The following CNEP1R1 variants were observed in gnomAD, a reference collection of about 807,000 sequenced individuals.
The protein encoded by CNEP1R1 is CTD nuclear envelope phosphatase 1 regulatory subunit 1.
CNEP1R1 carries 10 observed loss-of-function variants against 22.7 expected under a neutral mutation model. The ratio of observed to expected loss-of-function variants is 0.44; its 90% confidence interval spans 0.27 to 0.75. The LOEUF (loss-of-function observed/expected upper bound fraction) is 0.75, where lower values mean the gene tolerates loss of function less well. CNEP1R1 is among the 30% of genes least tolerant of loss of function. The pLI is 0.17. For synonymous variants in CNEP1R1, 53 were observed against 50.1 expected, an observed-to-expected ratio of 1.06 and a Z score of -0.25; for missense variants, 73 against 151.5, an observed-to-expected ratio of 0.48 and a Z score of 2.72.
chr16:50,027,149 AT>A lies in CNEP1R1; in HGVS notation c.97+683del, dbSNP rs1338315670. Among the ~76,000 whole-genome samples, 56 of 152,222 alleles carry A rather than the reference AT, an allele frequency of 3.7e-4. 1 individual carries two copies. Among genetic ancestry groups the A allele is most frequent in the Non-Finnish European group, 1.5e-4 (10 of 68,008 alleles). On this transcript the variant is annotated intron_variant, in intron 2 of 5. Coordinates refer to ENST00000427478, the MANE Select transcript of CNEP1R1 (RefSeq NM_001281789.2). ...TAGGGCTCAGTGAGTCACGCATATAATCCCAGCACTTTGGGAGGCCGAGGCT... is the reference window on the plus strand; with the variant it reads ...TAGGGCTCAGTGAGTCACGCATATAACCCAGCACTTTGGGAGGCCGAGGCT...
intron 3 of CNEP1R1, among the ~76,000 whole-genome samples, chr16:50,030,943 T>C (rs2036226252): frequency 6.6e-6 from 1 of 152,224 alleles, no homozygotes; most frequent in South Asian, 2.1e-4. Flanking sequence ...CCTTGAAGCA[T>C]CCTTTGATGA....
intron 5 of CNEP1R1, chr16:50,034,430 C>T: frequency 2.4e-6 from 1 of 418,386 alleles, no homozygotes; most frequent in Non-Finnish European, 4.4e-6. Context: ...ACTGATGCAT[C>T]TTAGATTCAG....
intron 2 of CNEP1R1, among the ~76,000 whole-genome samples, chr16:50,028,421 A>G (rs1045705693): frequency 6.6e-5 from 10 of 152,180 alleles, no homozygotes; most frequent in Admixed American, 5.9e-4. Context: ...ATCTGGCAAG[A>G]TTTTTTTGTA....
intron 4 of CNEP1R1, among the ~76,000 whole-genome samples, chr16:50,033,894 T>C (rs1468712777): frequency 6.8e-6 from 1 of 148,010 alleles, no homozygotes; most frequent in Non-Finnish European, 1.5e-5. Flanking sequence ...GCTTTGTGTT[T>C]TTTTTTTGAG....
chr16:50,034,052 A>G lies in CNEP1R1; in HGVS notation c.282-50A>G, dbSNP rs200239743. 3.9e-3 allele frequency: 5,712 copies of G among 1,464,962 alleles called. 27 individuals carry two copies. Among genetic ancestry groups the G allele is most frequent in the Non-Finnish European group, 4.1e-3 (4,408 of 1,066,420 alleles). 90.7% of individuals were successfully genotyped at this position (1,464,962 alleles called of 1,614,324 possible). A position where few individuals can be genotyped will look rare whatever the true frequency, so the allele number is the denominator to read the frequency against. On this transcript the variant is annotated intron_variant, in intron 4 of 5. Coordinates refer to ENST00000427478, the MANE Select transcript of CNEP1R1 (RefSeq NM_001281789.2). ...AGGCTTGAGCCACCGCACCCGGCCT[A>G]AAAGCATACTCTTGAAATGAGAAAT...
chr16:50,025,715 G>T lies in CNEP1R1; in HGVS notation c.25+375G>T, dbSNP rs1372807334. ...GTAACTGCCAAGGTTAGGAAGTGCT[G>T]CTCGGTGTTTTAAAGTTTAAAGCAC... On this transcript the variant is annotated intron_variant, in intron 1 of 5. Transcript: ENST00000427478. 2.5e-6 allele frequency: 4 copies of T among 1,612,204 alleles called. No individual in the cohort carries two copies. In the African/African-American group the frequency reaches 5.3e-5, roughly 22 times the overall value.
chr16:50,027,096 A>G (rs189055467), intron 2 of CNEP1R1, among the ~76,000 whole-genome samples: 1 of 152,324 alleles, frequency 6.6e-6, no homozygotes, highest in East Asian at 1.9e-4. Context: ...CTATTGGAAT[A>G]AAATTTTAGT....
intron 5 of CNEP1R1, chr16:50,034,502 C>CA (rs1187509643): frequency 6.5e-6 from 2 of 308,096 alleles, no homozygotes; most frequent in Non-Finnish European, 1.2e-5. Context: ...GTTTTATAAA[C>CA]TACTGTTATT....
At chr16:50,026,271 T>C (rs2036182143) in intron 1 of CNEP1R1, 125 bp from the exon 2 acceptor site, 1 of 650,170 alleles carries the variant, frequency 1.5e-6, no homozygotes, top group African/African-American at 1.8e-5. Flanking sequence ...TACATGGAAG[T>C]TAGTGTGTAA....
At chr16:50,028,051 G>C (rs1316565637) in intron 2 of CNEP1R1, among the ~76,000 whole-genome samples, 1 of 152,138 alleles carries the variant, frequency 6.6e-6, no homozygotes, top group African/African-American at 2.4e-5. Context: ...TCTGCCTCCC[G>C]GGTTCAAGTG....
chr16:50,030,072 A>AT (rs1479866090), intron 3 of CNEP1R1, among the ~76,000 whole-genome samples: 1 of 151,882 alleles, frequency 6.6e-6, no homozygotes, highest in Admixed American at 6.6e-5. Flanking sequence ...TCATTTTTAC[A>AT]TTTTTTTTAT....
Position 50,035,474 on chromosome 16 carries a change from G to A in CNEP1R1, c.*16G>A. ...TGTTCAATGACAATCTTCACTCATT[G>A]TTATGGGACTTAAAATAGCCTTTCT... is the stretch of plus-strand genomic sequence containing the variant. On this transcript the variant is annotated 3_prime_UTR_variant, in exon 6 of 6. Transcript: ENST00000427478. 6.4e-7 allele frequency: 1 copy of A among 1,563,136 alleles called. No homozygotes were observed. Among genetic ancestry groups the A allele is most frequent in the Non-Finnish European group, 8.7e-7 (1 of 1,145,564 alleles).
chr16:50,035,619 G>A lies in CNEP1R1; in HGVS notation c.*161G>A, dbSNP rs2036269406. 1 of 583,200 alleles carries A rather than the reference G, an allele frequency of 1.7e-6. No homozygotes were observed. The highest frequency in any genetic ancestry group is 1.9e-5 in the African/African-American group (1 of 52,860). 36.1% of individuals were successfully genotyped at this position (583,200 alleles called of 1,614,324 possible). A position where few individuals can be genotyped will look rare whatever the true frequency, so the allele number is the denominator to read the frequency against. On this transcript the variant is annotated 3_prime_UTR_variant, in exon 6 of 6. Coordinates refer to ENST00000427478, the MANE Select transcript of CNEP1R1 (RefSeq NM_001281789.2). ...TTACCTGGATTATCTTGATGATGGT[G>A]ACTCATTATCAGTGCTTTGGTACTT...
At chr16:50,029,906 T>A in intron 3 of CNEP1R1, 108 bp downstream of exon 3, 1 of 607,096 alleles carries the variant, frequency 1.6e-6, no homozygotes, top group Non-Finnish European at 2.9e-6. Flanking sequence ...CTACTACTAG[T>A]GATATTGTCA....
chr16:50,025,399 G>C, intron 1 of CNEP1R1, 59 bp downstream of exon 1: 3 of 1,414,148 alleles, frequency 2.1e-6, no homozygotes, highest in Non-Finnish European at 1.9e-6. Flanking sequence ...CGGTGCTCCG[G>C]AGGAGCCGGC....
At chr16:50,029,434 G>A (rs756022863) in intron 2 of CNEP1R1, among the ~76,000 whole-genome samples, 10 of 152,148 alleles carry the variant, frequency 6.6e-5, no homozygotes, top group African/African-American at 1.7e-4. Context: ...GTTACATAGC[G>A]TAGACTCTTC....
chr16:50,029,629 T>C, intron 2 of CNEP1R1, 96 bp from the exon 3 acceptor site: 1 of 696,216 alleles, frequency 1.4e-6, no homozygotes, highest in Non-Finnish European at 2.5e-6. Flanking sequence ...AATAAAGTGC[T>C]ATATTCTTTG....
At position 50,036,068 on chromosome 16, in the gene CNEP1R1, T is replaced by C. The variant is rs2036274679; in HGVS notation, c.*610T>C. The stretch of plus-strand genomic sequence containing the variant: ...ACCAGATATTGAACTCCAGCAACTA[T>C]TGTGGTTATATTTTTAGTTCATTGT... On this transcript the variant is annotated 3_prime_UTR_variant, in exon 6 of 6. Coordinates refer to ENST00000427478, the MANE Select transcript of CNEP1R1 (RefSeq NM_001281789.2). The C allele has an allele frequency of 6.6e-6, 1 of 152,614 alleles. No homozygotes were observed. Among genetic ancestry groups the C allele is most frequent in the African/African-American group, 2.4e-5 (1 of 41,442 alleles). The allele number at this position is 152,614 out of a possible 1,614,324, so 9.5% of individuals were successfully genotyped here.
intron 4 of CNEP1R1, among the ~76,000 whole-genome samples, chr16:50,033,829 A>G (rs1007247193): frequency 6.9e-6 from 1 of 145,112 alleles, no homozygotes; most frequent in Non-Finnish European, 1.5e-5. Flanking sequence ...ACGCCACTGC[A>G]CTCCAGCCTG....
Sources: allele counts gnomAD v4.1 joint callset (sites outside exome capture counted in the v4.1 genomes callset), GRCh38; gene constraint gnomAD v4.1.1; transcripts MANE v1.5; gene names NCBI Gene and HGNC (gene_info 2026-07-23, HGNC 2026-07-21).